Variants in VWDE observed in about 807,000 individuals in gnomAD.
The protein encoded by VWDE is von Willebrand factor D and EGF domains, also known as von Willebrand factor D and EGF domain-containing protein.
VWDE carries 207 observed loss-of-function variants against 178.4 expected under a neutral mutation model. The observed-to-expected ratio is 1.16, with a 90% confidence interval of 1.04 to 1.30. The LOEUF (loss-of-function observed/expected upper bound fraction) is 1.30. Ranked by LOEUF, VWDE falls within the 50% of genes most tolerant of loss-of-function variation. The probability of loss-of-function intolerance (pLI) is 0.00; values close to 1 mark genes in which losing one functional copy is unlikely to be tolerated. For missense variants in VWDE, 2,287 were observed against 1,901.3 expected, an observed-to-expected ratio of 1.20 and a Z score of -3.77; for synonymous variants, 738 against 651.4, an observed-to-expected ratio of 1.13 and a Z score of -2.02.
At position 12,370,012 on chromosome 7, in the gene VWDE, G is replaced by A. The variant is rs755852004; in HGVS notation, c.2294C>T (p.Pro765Leu). ...TTCCAGATCCGTTTGGCTGAGACTC[G>A]GGAAAGCAAACAAAGGAGGAAACTC... ...FHEFPPLFAF[P>L]SLSQTDLEEL... Residue 765 changes from proline to leucine, a missense_variant, in exon 12 of 29, where the codon CCG (proline) becomes CTG (leucine). Pro to Leu is a moderately conservative substitution (Grantham distance 98, BLOSUM62 -3). Transcript: ENST00000275358. The A allele has an allele frequency of 9.0e-6, 14 of 1,551,484 alleles. 1 individual carries two copies. Among genetic ancestry groups the A allele is most frequent in the Middle Eastern group, 3.3e-4 (2 of 5,988 alleles).
intron 28 of VWDE, among the ~76,000 whole-genome samples, 191 bp downstream of exon 28, chr7:12,333,274 T>C (rs146718949): frequency 6.6e-6 from 1 of 152,222 alleles, no homozygotes; most frequent in East Asian, 1.9e-4. Flanking sequence ...ATTCCTTAAA[T>C]ACACATCAAA....
At chr7:12,395,096 G>A (rs986572139) in intron 1 of VWDE, among the ~76,000 whole-genome samples, 60 of 152,018 alleles carry the variant, frequency 3.9e-4, no homozygotes, top group Middle Eastern at 3.4e-3. Context: ...TTTAGTACAA[G>A]ATATTGGAAG....
rs1782466463 is a variant in VWDE, at chr7:12,359,706, T to G, written c.3160-14A>C. 3.3e-6 allele frequency: 5 copies of G among 1,501,336 alleles called. No individual in the cohort carries two copies. The South Asian group carries it at 3.8e-5, about 11-fold the overall frequency. The allele number at this position is 1,501,336 out of a possible 1,614,324, so 93.0% of individuals were successfully genotyped here. ...GCAAACATTTTCCTAATGGAAAATTTTTAAAAAAGAAAACATCAAAGTACA... is the reference window on the plus strand; with the variant it reads ...GCAAACATTTTCCTAATGGAAAATTGTTAAAAAAGAAAACATCAAAGTACA... On this transcript the variant is annotated splice_polypyrimidine_tract_variant and intron_variant, in intron 15 of 28. Transcript: ENST00000275358.
At chr7:12,356,845 A>C (rs1163600414) in intron 17 of VWDE, among the ~76,000 whole-genome samples, 1 of 152,222 alleles carries the variant, frequency 6.6e-6, no homozygotes, top group African/African-American at 2.4e-5. Context: ...AAAGTCAATA[A>C]AGAAAGGAAT....
At chr7:12,351,051 A>T (rs1479391163) in intron 19 of VWDE, among the ~76,000 whole-genome samples, 2 of 152,168 alleles carry the variant, frequency 1.3e-5, no homozygotes, top group Non-Finnish European at 2.9e-5. Flanking sequence ...ATGTTCCAGG[A>T]ATCAAAAATG....
chr7:12,367,493 T>C lies in VWDE; in HGVS notation c.2762A>G (p.Asp921Gly). The C allele has an allele frequency of 6.7e-7, 1 of 1,494,510 alleles. No homozygotes were observed. The highest frequency in any genetic ancestry group is 8.9e-7 in the Non-Finnish European group (1 of 1,123,998). 92.6% of individuals were successfully genotyped at this position (1,494,510 alleles called of 1,614,324 possible). ...FSSYDCSDSY[D>G]KAPEITELGN... ...AAGCTCTGTAATTTCAGGAGCTTTG[T>C]CTTTGGAAAAAAAATATAACAAATA... Residue 921 changes from aspartate to glycine, a missense_variant and splice_region_variant, in exon 13 of 29, where the codon GAC (aspartate) becomes GGC (glycine). By Grantham distance (94) the Asp-to-Gly change is moderately conservative (BLOSUM62 -1). Coordinates refer to ENST00000275358, the MANE Select transcript of VWDE (RefSeq NM_001135924.3).
chr7:12,331,388 TA>T (rs1466297621), intron 28 of VWDE, among the ~76,000 whole-genome samples, 191 bp from the exon 29 acceptor site: 1 of 152,152 alleles, frequency 6.6e-6, no homozygotes, highest in African/African-American at 2.4e-5. Flanking sequence ...CAAGCTGTCA[TA>T]ACCAAATGGA....
At chr7:12,332,549 A>T (rs941103629) in intron 28 of VWDE, among the ~76,000 whole-genome samples, 2 of 152,174 alleles carry the variant, frequency 1.3e-5, no homozygotes, top group African/African-American at 4.8e-5. Flanking sequence ...TCTCACATCA[A>T]ATCAAATCAA....
Position 12,359,783 on chromosome 7 carries a change from A to T in VWDE, c.3160-91T>A, listed in dbSNP as rs966935673. On this transcript the variant is annotated intron_variant, in intron 15 of 28. Coordinates refer to ENST00000275358, the MANE Select transcript of VWDE (RefSeq NM_001135924.3). ...AAGGATGGCAGTGTATGTATTGATG[A>T]TTCCAACGAAAGCACATACATCTAT... The T allele has an allele frequency of 4.1e-6, 3 of 724,090 alleles. No homozygotes were observed. In the African/African-American group the frequency reaches 5.4e-5, roughly 13 times the overall value. The allele number at this position is 724,090 out of a possible 1,614,324, so 44.9% of individuals were successfully genotyped here.
Position 12,359,698 on chromosome 7 carries a change from G to A in VWDE, c.3160-6C>T. The A allele has an allele frequency of 3.3e-6, 5 of 1,514,644 alleles. No homozygotes were observed. Among genetic ancestry groups the A allele is most frequent in the Admixed American group, 2.2e-5 (1 of 46,498 alleles). 93.8% of individuals were successfully genotyped at this position (1,514,644 alleles called of 1,614,324 possible). On this transcript the variant is annotated splice_polypyrimidine_tract_variant and splice_region_variant and intron_variant, in intron 15 of 28. Transcript: ENST00000275358. ...TCAATAATGCAAACATTTTCCTAAT[G>A]GAAAATTTTTAAAAAAGAAAACATC...
intron 12 of VWDE, among the ~76,000 whole-genome samples, chr7:12,369,017 A>G (rs1359736108): frequency 6.6e-6 from 1 of 152,186 alleles, no homozygotes; most frequent in Admixed American, 6.5e-5. Flanking sequence ...AGGAAACAAA[A>G]CTTTTTACAG....
chr7:12,375,448 C>A (rs1490543434), intron 7 of VWDE, among the ~76,000 whole-genome samples: 1 of 151,862 alleles, frequency 6.6e-6, no homozygotes, highest in Admixed American at 6.6e-5. Context: ...TACATATGTA[C>A]ACATAAATAC....
intron 13 of VWDE, among the ~76,000 whole-genome samples, chr7:12,364,163 G>C (rs1295402253): frequency 6.6e-6 from 1 of 152,000 alleles, no homozygotes; most frequent in African/African-American, 2.4e-5. Flanking sequence ...AGAAGTATCA[G>C]TATCAACTCA....
intron 18 of VWDE, among the ~76,000 whole-genome samples, chr7:12,352,241 C>T (rs998669779): frequency 1.4e-4 from 22 of 152,182 alleles, no homozygotes; most frequent in African/African-American, 5.1e-4. Context: ...TTCACCCACC[C>T]GATCAATTTT....
At chr7:12,356,355 G>A (rs1309118555) in intron 17 of VWDE, 25 bp from the exon 18 acceptor site, 1 of 1,525,500 alleles carries the variant, frequency 6.6e-7, no homozygotes, top group Admixed American at 2.0e-5. Flanking sequence ...AAAAGGAAAT[G>A]TCTTATTTTT....
At chr7:12,362,216 AAC>A (rs1285231543) in intron 13 of VWDE, among the ~76,000 whole-genome samples, 2 of 76,952 alleles carry the variant, frequency 2.6e-5, no homozygotes, top group African/African-American at 1.3e-4. Flanking sequence ...AATTGAGACA[AAC>A]ATACACACAC....
At chr7:12,378,737 T>A (rs6948314) in intron 6 of VWDE, among the ~76,000 whole-genome samples, 17,815 of 152,154 alleles carry the variant, frequency 0.12, 1,170 homozygotes, top group Non-Finnish European at 0.14. Flanking sequence ...AGTGGTCCAC[T>A]CTTCTCACTT....
intron 18 of VWDE, among the ~76,000 whole-genome samples, chr7:12,355,415 CA>C (rs5882357): frequency 0.053 from 7,362 of 139,670 alleles, 574 homozygotes; most frequent in African/African-American, 0.17. Flanking sequence ...AACTCCGTCT[CA>C]AAAAAAAAAA....
intron 7 of VWDE, among the ~76,000 whole-genome samples, chr7:12,376,294 C>A (rs1276730705): frequency 1.3e-5 from 2 of 148,820 alleles, no homozygotes; most frequent in Admixed American, 6.6e-5. Flanking sequence ...TAGAAATACA[C>A]TCAGACACCA....
Sources: gnomAD v4.1 joint callset for allele counts (sites outside exome capture counted in the v4.1 genomes callset) on GRCh38, gnomAD v4.1.1 for gene constraint, MANE v1.5 for transcripts, NCBI Gene and HGNC (gene_info 2026-07-23, HGNC 2026-07-21) for gene names.